Variants in CCDC68 observed in about 807,000 individuals in gnomAD.
CCDC68 encodes the protein coiled-coil domain containing 68, also known as coiled-coil domain-containing protein 68.
CCDC68 carries 45 observed loss-of-function variants against 47.1 expected under a neutral mutation model. The observed-to-expected ratio is 0.96, with a 90% CI of 0.75 to 1.23. The LOEUF (loss-of-function observed/expected upper bound fraction) is 1.23, where lower values mean the gene tolerates loss of function less well. Ranked by LOEUF, CCDC68 falls within the 50% of genes most tolerant of loss-of-function variation. The pLI, the probability that CCDC68 is intolerant of heterozygous loss-of-function variation, is 0.00. For synonymous variants in CCDC68, 131 were observed against 129.5 expected, an observed-to-expected ratio of 1.01 and a Z score of -0.08; for missense variants, 353 against 373.6, an observed-to-expected ratio of 0.94 and a Z score of 0.45.
At chr18:54,904,670 C>T (rs541397968) in intron 11 of CCDC68, among the ~76,000 whole-genome samples, 25 of 152,198 alleles carry the variant, frequency 1.6e-4, no homozygotes, top group East Asian at 1.5e-3. Context: ...TGAGGGAAGC[C>T]GGAGAGAGGA....
chr18:54,924,289 G>GA lies in CCDC68; in HGVS notation c.683+4510dup, dbSNP rs113151571. Among the ~76,000 whole-genome samples, 1,116 of 148,350 alleles carry GA rather than the reference G, an allele frequency of 7.5e-3. 15 individuals are homozygous for GA. The highest frequency in any genetic ancestry group is 0.022 in the African/African-American group (903 of 40,654). On this transcript the variant is annotated intron_variant, in intron 8 of 11. Coordinates refer to ENST00000591504, the MANE Select transcript of CCDC68 (RefSeq NM_025214.3). ...ACTAAAAGCCCTGGATATTGTATATGAAAAAAAAAACACAAGAAGACTCTG... is the reference window on the plus strand; with the variant it reads ...ACTAAAAGCCCTGGATATTGTATATGAAAAAAAAAAACACAAGAAGACTCTG...
chr18:54,922,314 T>C (rs1210745021), intron 8 of CCDC68, among the ~76,000 whole-genome samples: 1 of 152,112 alleles, frequency 6.6e-6, no homozygotes, highest in Non-Finnish European at 1.5e-5. Flanking sequence ...GACCAGACTT[T>C]GGATGTTGGC....
chr18:54,908,335 C>T (rs1914136508), intron 10 of CCDC68, among the ~76,000 whole-genome samples: 1 of 152,110 alleles, frequency 6.6e-6, no homozygotes, highest in Admixed American at 6.6e-5. Context: ...CTTATGAAAC[C>T]TTAGTTTCTT....
In CCDC68 at chr18:54,904,392, G is replaced by C. The variant is rs780842893; in HGVS notation, c.974C>G (p.Ser325Cys). Residue 325 changes from serine to cysteine, a missense_variant, in exon 12 of 12, where the codon TCC becomes TGC. Transcript: ENST00000591504. ...TAACCTAATCAACATTAAATAAGGG[G>C]AAACACCTTCGGTCTTCAATTCACT... is the stretch of plus-strand genomic sequence containing the variant. ...STSELKTEGVSPYLMLIRLRK is the reference protein window; with the variant it reads ...STSELKTEGVCPYLMLIRLRK 1 of 1,613,552 alleles carries C rather than the reference G, an allele frequency of 6.2e-7. No homozygotes were observed.
At chr18:54,907,470 A>G (rs1914076775) in intron 11 of CCDC68, among the ~76,000 whole-genome samples, 1 of 152,192 alleles carries the variant, frequency 6.6e-6, no homozygotes, top group African/African-American at 2.4e-5. Flanking sequence ...CTTGAGCAAC[A>G]GAAGAAGAAA....
intron 8 of CCDC68, among the ~76,000 whole-genome samples, chr18:54,921,198 G>A (rs1437344890): frequency 6.6e-6 from 1 of 152,116 alleles, no homozygotes; most frequent in East Asian, 1.9e-4. Context: ...CTATTAGAGG[G>A]GGAAAGAATG....
chr18:54,951,034 G>A (rs1048063111), intron 1 of CCDC68, among the ~76,000 whole-genome samples: 1 of 142,220 alleles, frequency 7.0e-6, no homozygotes, highest in East Asian at 2.2e-4. Context: ...TCAGCCTCCC[G>A]AGTAGCTGGG....
intron 4 of CCDC68, among the ~76,000 whole-genome samples, chr18:54,938,706 A>T (rs575194058): frequency 6.6e-6 from 1 of 152,394 alleles, no homozygotes; most frequent in African/African-American, 2.4e-5. Flanking sequence ...CATTTTACAG[A>T]TGTAGAAACT....
At chr18:54,949,608 A>C (rs527490627) in intron 1 of CCDC68, among the ~76,000 whole-genome samples, 130 of 152,320 alleles carry the variant, frequency 8.5e-4, no homozygotes, top group African/African-American at 3.0e-3. Flanking sequence ...GGGGCTGCTG[A>C]TTGAAAAGCA....
intron 8 of CCDC68, among the ~76,000 whole-genome samples, chr18:54,920,313 T>C (rs2044035867): frequency 1.3e-5 from 2 of 151,450 alleles, no homozygotes; most frequent in Non-Finnish European, 1.5e-5. Flanking sequence ...GGCTGGAGTG[T>C]AGTGAGGCGA....
chr18:54,939,631 C>T (rs2044404093), intron 4 of CCDC68, among the ~76,000 whole-genome samples: 1 of 152,222 alleles, frequency 6.6e-6, no homozygotes, highest in Admixed American at 6.5e-5. Context: ...CACATGGCAA[C>T]ACAGTGTCGT....
At chr18:54,917,672 C>T (rs966523217) in intron 10 of CCDC68, among the ~76,000 whole-genome samples, 1 of 152,074 alleles carries the variant, frequency 6.6e-6, no homozygotes, top group Non-Finnish European at 1.5e-5. Flanking sequence ...CACTTGCATA[C>T]ACACAGAGAC....
chr18:54,922,355 A>G (rs1057114393), intron 8 of CCDC68, among the ~76,000 whole-genome samples: 1 of 152,164 alleles, frequency 6.6e-6, no homozygotes, highest in African/African-American at 2.4e-5. Context: ...GAGAAGGCTT[A>G]CCGCCCACAG....
At chr18:54,910,458 T>C (rs1477938627) in intron 10 of CCDC68, among the ~76,000 whole-genome samples, 2 of 152,188 alleles carry the variant, frequency 1.3e-5, no homozygotes, top group African/African-American at 4.8e-5. Flanking sequence ...AAGTATGTGC[T>C]GATTGCTCCA....
At chr18:54,940,761 T>C (rs1446365919) in intron 4 of CCDC68, among the ~76,000 whole-genome samples, 1 of 152,246 alleles carries the variant, frequency 6.6e-6, no homozygotes, top group Non-Finnish European at 1.5e-5. Flanking sequence ...CATCTTCTCA[T>C]TTACTTTCGA....
intron 10 of CCDC68, among the ~76,000 whole-genome samples, chr18:54,910,901 C>G (rs1914324321): frequency 6.6e-6 from 1 of 152,224 alleles, no homozygotes; most frequent in South Asian, 2.1e-4. Flanking sequence ...GCAGGCACTT[C>G]CGAGCCTGCA....
chr18:54,922,987 CAAAAAAAAA>C (rs1183607769), intron 8 of CCDC68, among the ~76,000 whole-genome samples: 1 of 40,034 alleles, frequency 2.5e-5, no homozygotes, highest in African/African-American at 8.2e-5. Flanking sequence ...GACTCCGTCT[CAAAAAAAAA>C]AAAAAAAAAA....
At chr18:54,941,601 A>G (rs1465576352) in intron 3 of CCDC68, among the ~76,000 whole-genome samples, 1 of 152,160 alleles carries the variant, frequency 6.6e-6, no homozygotes, top group Non-Finnish European at 1.5e-5. Context: ...GAGTTGCAAG[A>G]CACTCAAAGA....
At chr18:54,914,399 C>A (rs759870508) in intron 10 of CCDC68, among the ~76,000 whole-genome samples, 6 of 152,068 alleles carry the variant, frequency 3.9e-5, no homozygotes, top group Non-Finnish European at 7.4e-5. Context: ...AGGAGGATCA[C>A]CTGAGGTCAG....
Sources: gnomAD v4.1 joint callset for allele counts (sites outside exome capture counted in the v4.1 genomes callset) on GRCh38, gnomAD v4.1.1 for gene constraint, MANE v1.5 for transcripts, NCBI Gene and HGNC (gene_info 2026-07-23, HGNC 2026-07-21) for gene names.